Variants in CPEB2 observed in about 807,000 individuals in gnomAD.
CPEB2 encodes the protein cytoplasmic polyadenylation element binding protein 2.
In CPEB2, 56 loss-of-function variants were observed where a neutral mutation model predicts 93.6. The ratio of observed to expected loss-of-function variants is 0.60; its 90% CI spans 0.48 to 0.75. The LOEUF (loss-of-function observed/expected upper bound fraction) is 0.75, where lower values mean the gene tolerates loss of function less well. Among genes scored for constraint, CPEB2 ranks in the 30% least tolerant of loss-of-function variants. The pLI, the probability that CPEB2 is intolerant of heterozygous loss-of-function variation, is 0.00. For missense variants in CPEB2, 1,579 were observed against 1,395.1 expected, an observed-to-expected ratio of 1.13 and a Z score of -2.10; for synonymous variants, 764 against 586.3, an observed-to-expected ratio of 1.30 and a Z score of -4.38.
intron 3 of CPEB2, among the ~76,000 whole-genome samples, chr4:15,012,030 T>C (rs1003996164): frequency 6.6e-6 from 1 of 152,216 alleles, no homozygotes; most frequent in Non-Finnish European, 1.5e-5. Flanking sequence ...AAAATATTAT[T>C]TGAATCTTTA....
chr4:15,049,147 T>C (rs1014599425), intron 6 of CPEB2, among the ~76,000 whole-genome samples: 1 of 152,112 alleles, frequency 6.6e-6, no homozygotes, highest in Non-Finnish European at 1.5e-5. Flanking sequence ...ATGTTTTTAG[T>C]TATATGAATA....
intron 4 of CPEB2, among the ~76,000 whole-genome samples, chr4:15,018,485 CTT>C (rs1253925654): frequency 5.0e-5 from 7 of 139,388 alleles, no homozygotes; most frequent in African/African-American, 1.3e-4. Flanking sequence ...GTTTGAGTTT[CTT>C]TTTTTTTTTT....
At chr4:15,038,594 T>G (rs1006146968) in intron 5 of CPEB2, among the ~76,000 whole-genome samples, 17 of 151,364 alleles carry the variant, frequency 1.1e-4, no homozygotes, top group Admixed American at 2.0e-4. Flanking sequence ...TCTTTTTTTT[T>G]TTTTTTTTCT....
rs565005887 is a variant in CPEB2, at chr4:15,016,628, A to G, written c.2035-560A>G. On this transcript the variant is annotated intron_variant, in intron 3 of 11. Transcript: ENST00000538197. ...ATATATGAATCTGAATATTCTAGGCATTAGTCCCTGTTCTGGTTATTAGTA... is the reference window on the plus strand; with the variant it reads ...ATATATGAATCTGAATATTCTAGGCGTTAGTCCCTGTTCTGGTTATTAGTA... 2.0e-5 allele frequency among the ~76,000 whole-genome samples: 3 copies of G among 152,106 alleles called. No individual in the cohort carries two copies. The East Asian group carries it at 5.8e-4, about 29-fold the overall frequency.
intron 4 of CPEB2, among the ~76,000 whole-genome samples, chr4:15,030,248 C>A (rs1725953273): frequency 6.6e-6 from 1 of 151,810 alleles, no homozygotes; most frequent in Non-Finnish European, 1.5e-5. Flanking sequence ...AATTGTCCTA[C>A]AACCAACCAT....
rs947700288 is a variant in CPEB2 at position 15,052,304 on chromosome 4, C to T, written c.2201-110C>T. 1.0e-4 allele frequency: 69 copies of T among 688,848 alleles called. 1 individual carries two copies. Among genetic ancestry groups the T allele is most frequent in the Middle Eastern group, 3.3e-4 (1 of 3,024 alleles). The allele number at this position is 688,848 out of a possible 1,614,324, so 42.7% of individuals were successfully genotyped here. On this transcript the variant is annotated intron_variant, in intron 6 of 11. Transcript: ENST00000538197. ...AAATTTCTCTTAATTTTTATGTTCA[C>T]CTGCATCACCTTCATTTTTAAGTCT...
Position 15,002,686 on chromosome 4 carries a change from G to C in CPEB2, c.13G>C (p.Gly5Arg), listed in dbSNP as rs1363109935. Residue 5 changes from glycine to arginine, a missense_variant, in exon 1 of 12, where the codon GGG (glycine) becomes CGG (arginine). Gly to Arg is a moderately radical substitution (Grantham distance 125). Around this residue, in one of 2 missense-constraint regions of CPEB2, gnomAD observed 1,411 missense variants for 1,056.0 expected, o/e 1.34. Coordinates refer to ENST00000538197, the MANE Select transcript of CPEB2 (RefSeq NM_001177382.2). ...GGCGGCCTGATAAATGAGGGATTTC[G>C]GGTTTGGGGTGCTGCAGACCGCCCC... MRDF[G>R]FGVLQTAPLR... The C allele has an allele frequency of 6.0e-6, 9 of 1,504,188 alleles. No individual in the cohort carries two copies. The highest frequency in any genetic ancestry group is 7.1e-6 in the Non-Finnish European group (8 of 1,127,644). 93.2% of individuals were successfully genotyped at this position (1,504,188 alleles called of 1,614,324 possible).
At chr4:15,055,609 C>T (rs1728639870) in intron 8 of CPEB2, among the ~76,000 whole-genome samples, 1 of 152,186 alleles carries the variant, frequency 6.6e-6, no homozygotes, top group Non-Finnish European at 1.5e-5. Context: ...TTTCTCCTAT[C>T]GTCCAGTCAC....
intron 4 of CPEB2, chr4:15,017,998 A>G (rs985611829): frequency 6.6e-6 from 1 of 151,916 alleles, no homozygotes; most frequent in Non-Finnish European, 1.5e-5. Context: ...GACAGTTACT[A>G]TTTATCTATT....
chr4:15,034,107 G>A (rs948543311), intron 5 of CPEB2, among the ~76,000 whole-genome samples: 1 of 152,142 alleles, frequency 6.6e-6, no homozygotes, highest in Admixed American at 6.5e-5. Flanking sequence ...GATGGTCAGG[G>A]TAAGTAGGAT....
At chr4:15,037,843 A>G (rs1474994415) in intron 5 of CPEB2, among the ~76,000 whole-genome samples, 2 of 152,220 alleles carry the variant, frequency 1.3e-5, no homozygotes, top group Non-Finnish European at 2.9e-5. Flanking sequence ...TTTGAAGGAC[A>G]TATTGTTATT....
chr4:15,038,948 G>C (rs1012125134), intron 5 of CPEB2, among the ~76,000 whole-genome samples: 2 of 152,074 alleles, frequency 1.3e-5, no homozygotes, highest in Admixed American at 1.3e-4. Context: ...TTTTTCAGTT[G>C]ATCTCCCATC....
intron 6 of CPEB2, among the ~76,000 whole-genome samples, chr4:15,051,742 C>G (rs1728243573): frequency 1.3e-5 from 2 of 152,106 alleles, no homozygotes. Context: ...TATATCAGGG[C>G]ATTTAAGTTT....
At chr4:15,013,384 G>A (rs1723735023) in intron 3 of CPEB2, among the ~76,000 whole-genome samples, 1 of 151,832 alleles carries the variant, frequency 6.6e-6, no homozygotes, top group African/African-American at 2.4e-5. Flanking sequence ...AAGTATTTTG[G>A]TGCTTTCAAA....
intron 4 of CPEB2, among the ~76,000 whole-genome samples, chr4:15,018,098 A>G (rs879769178): frequency 2.6e-5 from 4 of 151,920 alleles, no homozygotes; most frequent in Non-Finnish European, 5.9e-5. Flanking sequence ...TCAGAAATTC[A>G]GGAGCAGCTT....
intron 5 of CPEB2, among the ~76,000 whole-genome samples, chr4:15,037,870 A>G (rs1044104076): frequency 2.0e-5 from 3 of 152,194 alleles, no homozygotes; most frequent in African/African-American, 7.2e-5. Context: ...CTTTTTAAAA[A>G]CATAAGTCAC....
chr4:15,020,035 T>A (rs1724646332), intron 4 of CPEB2, among the ~76,000 whole-genome samples: 1 of 152,096 alleles, frequency 6.6e-6, no homozygotes, highest in African/African-American at 2.4e-5. Context: ...GATGGTACAC[T>A]CACATGGCTG....
intron 4 of CPEB2, among the ~76,000 whole-genome samples, chr4:15,021,037 G>A (rs1271549855): frequency 6.6e-6 from 1 of 152,090 alleles, no homozygotes; most frequent in African/African-American, 2.4e-5. Context: ...TGTTACATTT[G>A]AGGAACTGAA....
At chr4:15,032,439 C>T (rs545510563) in intron 4 of CPEB2, among the ~76,000 whole-genome samples, 16 of 152,108 alleles carry the variant, frequency 1.1e-4, no homozygotes, top group Non-Finnish European at 1.9e-4. Context: ...TCATGCATAC[C>T]TTTTTTCTTC....
Sources: gnomAD v4.1 joint callset for allele counts (sites outside exome capture counted in the v4.1 genomes callset) on GRCh38, gnomAD v4.1.1 for gene constraint, gnomAD v4.1.1 regional missense constraint, MANE v1.5 for transcripts, NCBI Gene and HGNC (gene_info 2026-07-23, HGNC 2026-07-21) for gene names.